Variants in SYN3 observed in about 807,000 individuals in gnomAD.
The protein encoded by SYN3 is synapsin III.
A neutral mutation model predicts 65.8 loss-of-function variants in SYN3; 35 were observed. That is an observed-to-expected ratio of 0.53 (90% confidence interval 0.41 to 0.70). SYN3 has a LOEUF of 0.70. SYN3 is among the 30% of genes least tolerant of loss of function. The probability of loss-of-function intolerance (pLI) is 0.00; values close to 1 mark genes in which losing one functional copy is unlikely to be tolerated. For synonymous variants in SYN3, 270 were observed against 292.9 expected, an observed-to-expected ratio of 0.92 and a Z score of 0.80; for missense variants, 680 against 749.0, an observed-to-expected ratio of 0.91 and a Z score of 1.08.
rs932450531 is a variant in SYN3 at position 32,991,000 on chromosome 22, A to G, written c.312-10298T>C. On this transcript the variant is annotated intron_variant, in intron 2 of 13. Coordinates refer to ENST00000358763, the MANE Select transcript of SYN3 (RefSeq NM_003490.4). ...AGAGATCAAGTCCATCCTGGCCAAC[A>G]TAGTGAAACTTTGTCTCTCCTAAAA... 1.3e-4 allele frequency among the ~76,000 whole-genome samples: 20 copies of G among 152,274 alleles called. No individual in the cohort carries two copies. In the South Asian group the frequency reaches 1.5e-3, roughly 11 times the overall value.
chr22:33,015,343 A>G, intron 1 of SYN3: 1 of 655,984 alleles, frequency 1.5e-6, no homozygotes. Flanking sequence ...AATCCAGAGA[A>G]GATCAAAGAA....
intron 10 of SYN3, chr22:32,530,236 G>A (rs1260535172): frequency 6.6e-6 from 1 of 152,224 alleles, no homozygotes. Context: ...TAAGGATAAG[G>A]ATACTAAGAA....
At chr22:32,661,799 C>T (rs2060221054) in intron 6 of SYN3, among the ~76,000 whole-genome samples, 1 of 152,120 alleles carries the variant, frequency 6.6e-6, no homozygotes, top group African/African-American at 2.4e-5. Context: ...ATGTCTCATC[C>T]AATAACTCTA....
At chr22:32,544,985 ACTCT>A (rs1400930541) in intron 7 of SYN3, among the ~76,000 whole-genome samples, 1 of 151,476 alleles carries the variant, frequency 6.6e-6, no homozygotes, top group African/African-American at 2.4e-5. Context: ...TACACTTTAC[ACTCT>A]CTCCTCTCCC....
intron 7 of SYN3, among the ~76,000 whole-genome samples, chr22:32,563,145 T>C (rs1039636638): frequency 6.6e-6 from 1 of 152,250 alleles, no homozygotes; most frequent in African/African-American, 2.4e-5. Flanking sequence ...TGTACGCTGG[T>C]TATTAGTATC....
At chr22:32,589,026 G>A (rs1362819535) in intron 7 of SYN3, among the ~76,000 whole-genome samples, 1 of 152,170 alleles carries the variant, frequency 6.6e-6, no homozygotes, top group Non-Finnish European at 1.5e-5. Flanking sequence ...TAATTTGCAT[G>A]TAATTAAAAT....
In SYN3 at chr22:32,531,889, G is replaced by A. The variant is rs367860406; in HGVS notation, c.1095+1904C>T. On this transcript the variant is annotated intron_variant, in intron 10 of 13. Coordinates refer to ENST00000358763, the MANE Select transcript of SYN3 (RefSeq NM_003490.4). ...GTTGTTTTCTTATTTTTTGAAGTCC[G>A]AGCCCACTACTTTTACTTTTTTTTT... is the stretch of plus-strand genomic sequence containing the variant. Among the ~76,000 whole-genome samples the A allele has an allele frequency of 5.1e-3, 287 of 56,742 alleles. 1 individual carries two copies. The highest frequency in any genetic ancestry group is 0.018 in the African/African-American group (250 of 13,942). The allele number at this position is 56,742 out of a possible 152,430, so 37.2% of individuals were successfully genotyped here.
chr22:32,653,266 A>T (rs199973095), intron 6 of SYN3, among the ~76,000 whole-genome samples: 1 of 96,812 alleles, frequency 1.0e-5, no homozygotes, highest in Non-Finnish European at 2.1e-5. Context: ...TCCTTAAAAG[A>T]AAAAAAAAAA....
In SYN3 at chr22:32,622,725, C is replaced by CAA. The variant is rs777908921; in HGVS notation, c.712-25991_712-25990dup. 6.4e-3 allele frequency among the ~76,000 whole-genome samples: 500 copies of CAA among 77,776 alleles called. 7 individuals are homozygous for CAA. The highest frequency in any genetic ancestry group is 0.022 in the South Asian group (46 of 2,112). 51.0% of individuals were successfully genotyped at this position (77,776 alleles called of 152,430 possible). ...GCTGTGGATCTCCAGAAATCGGATG[C>CAA]AAAAAAAAAAAAAAAAAAAAGTTTC... On this transcript the variant is annotated intron_variant, in intron 6 of 13. Transcript: ENST00000358763.
intron 3 of SYN3, among the ~76,000 whole-genome samples, chr22:32,948,431 T>C (rs2146806335): frequency 6.6e-6 from 1 of 152,234 alleles, no homozygotes; most frequent in African/African-American, 2.4e-5. Flanking sequence ...ATAATTGGAA[T>C]CATCCATTAA....
chr22:32,970,589 G>C (rs147704194), intron 3 of SYN3, among the ~76,000 whole-genome samples: 16 of 151,340 alleles, frequency 1.1e-4, no homozygotes, highest in African/African-American at 3.9e-4. Context: ...GGAGAGCTAC[G>C]TTTAAAGACA....
At chr22:33,042,422 G>A (rs896164096) in intron 1 of SYN3, among the ~76,000 whole-genome samples, 7 of 152,176 alleles carry the variant, frequency 4.6e-5, no homozygotes, top group African/African-American at 9.7e-5. Flanking sequence ...AACAATACAC[G>A]TATATTTCAT....
chr22:32,719,304 G>A (rs1172806867), intron 6 of SYN3, among the ~76,000 whole-genome samples: 2 of 152,166 alleles, frequency 1.3e-5, no homozygotes, highest in South Asian at 2.1e-4. Context: ...ATATTATAAG[G>A]AAGAATGCAA....
At chr22:32,551,641 G>A (rs1363181976) in intron 7 of SYN3, among the ~76,000 whole-genome samples, 1 of 151,986 alleles carries the variant, frequency 6.6e-6, no homozygotes, top group African/African-American at 2.4e-5. Flanking sequence ...TCAATTAACA[G>A]GAGGCTATTG....
intron 6 of SYN3, among the ~76,000 whole-genome samples, chr22:32,754,909 A>G (rs2045247891): frequency 6.6e-6 from 1 of 152,124 alleles, no homozygotes; most frequent in Non-Finnish European, 1.5e-5. Flanking sequence ...TCTTCTCTCC[A>G]TGGGCCCCAC....
chr22:32,874,287 G>A (rs915339317), intron 4 of SYN3, among the ~76,000 whole-genome samples: 2 of 152,192 alleles, frequency 1.3e-5, no homozygotes, highest in African/African-American at 4.8e-5. Context: ...CGTCCTGGCC[G>A]CAGGTTGTAG....
intron 6 of SYN3, among the ~76,000 whole-genome samples, chr22:32,732,070 T>C (rs1301522867): frequency 6.6e-6 from 1 of 152,246 alleles, no homozygotes. Context: ...TTATTGCTTT[T>C]ATTATTGTGT....
intron 3 of SYN3, 37 bp from the exon 4 acceptor site, chr22:32,931,518 A>G (rs1246393981): frequency 7.0e-7 from 1 of 1,437,548 alleles, no homozygotes; most frequent in Admixed American, 1.7e-5. Flanking sequence ...GATTCATCAA[A>G]TACCAACGGT....
chr22:32,880,899 A>C (rs2049115736), intron 4 of SYN3, among the ~76,000 whole-genome samples: 2 of 152,334 alleles, frequency 1.3e-5, no homozygotes, highest in Non-Finnish European at 1.5e-5. Context: ...AATTGCACCC[A>C]GGGGCTGCTG....
Sources: allele counts gnomAD v4.1 joint callset (sites outside exome capture counted in the v4.1 genomes callset), GRCh38; gene constraint gnomAD v4.1.1; transcripts MANE v1.5; gene names NCBI Gene and HGNC (gene_info 2026-07-23, HGNC 2026-07-21).